Variants in CFAP299 observed in about 807,000 individuals in gnomAD.
CFAP299 encodes the protein cilia- and flagella-associated protein 299.
In CFAP299, 21 loss-of-function variants were observed where a neutral mutation model predicts 27.0. The ratio of observed to expected loss-of-function variants is 0.78; its 90% confidence interval spans 0.55 to 1.12. CFAP299 has a LOEUF of 1.12. CFAP299 is among the 50% of genes most tolerant of loss of function. The probability of loss-of-function intolerance (pLI) is 0.00; values close to 1 mark genes in which losing one functional copy is unlikely to be tolerated. For synonymous variants in CFAP299, 104 were observed against 98.1 expected, an observed-to-expected ratio of 1.06 and a Z score of -0.36; for missense variants, 310 against 276.6, an observed-to-expected ratio of 1.12 and a Z score of -0.86.
chr4:80,681,508 G>C (rs2110005432), intron 3 of CFAP299, among the ~76,000 whole-genome samples: 1 of 152,244 alleles, frequency 6.6e-6, no homozygotes, highest in Middle Eastern at 3.4e-3. Flanking sequence ...AAAATGCTGG[G>C]AACTTGGGCA....
chr4:80,370,567 C>T (rs1379498448), intron 2 of CFAP299, among the ~76,000 whole-genome samples: 1 of 152,218 alleles, frequency 6.6e-6, no homozygotes, highest in Admixed American at 6.5e-5. Flanking sequence ...GGTAAGTACC[C>T]TTGTTCCAAA....
intron 2 of CFAP299, among the ~76,000 whole-genome samples, chr4:80,456,578 T>C (rs1326366309): frequency 6.6e-6 from 1 of 152,174 alleles, no homozygotes; most frequent in African/African-American, 2.4e-5. Context: ...AGGATGACTT[T>C]GGTTTTACCT....
chr4:80,832,965 T>G (rs1004878138), intron 3 of CFAP299, among the ~76,000 whole-genome samples: 10 of 152,144 alleles, frequency 6.6e-5, no homozygotes, highest in African/African-American at 2.4e-4. Flanking sequence ...TATTTTTGAC[T>G]TGTTTTGCTT....
At chr4:80,500,497 A>T (rs1731686960) in intron 2 of CFAP299, among the ~76,000 whole-genome samples, 1 of 152,172 alleles carries the variant, frequency 6.6e-6, no homozygotes, top group Admixed American at 6.6e-5. Context: ...AAATTAGGCT[A>T]TACCAAACTA....
intron 3 of CFAP299, among the ~76,000 whole-genome samples, chr4:80,624,448 GA>G (rs898832430): frequency 4.0e-4 from 60 of 150,920 alleles, no homozygotes; most frequent in African/African-American, 1.3e-3. Context: ...ATACAGAGGA[GA>G]AAAAAAGAAA....
intron 5 of CFAP299, 91 bp downstream of exon 5, chr4:80,945,030 CTT>C (rs1410358691): frequency 8.1e-7 from 1 of 1,229,068 alleles, no homozygotes; most frequent in Non-Finnish European, 1.2e-6. Context: ...ATTTGACACT[CTT>C]AAGTTGTTAA....
At chr4:80,664,590 C>G (rs1277663532) in intron 3 of CFAP299, among the ~76,000 whole-genome samples, 1 of 152,164 alleles carries the variant, frequency 6.6e-6, no homozygotes, top group African/African-American at 2.4e-5. Context: ...CCACCAAGCT[C>G]AAGCATCCCA....
At chr4:80,941,188 A>G (rs995523649) in intron 4 of CFAP299, among the ~76,000 whole-genome samples, 1 of 152,222 alleles carries the variant, frequency 6.6e-6, no homozygotes, top group African/African-American at 2.4e-5. Context: ...AATGACAAAG[A>G]AAAGTCTGTA....
chr4:80,781,324 A>G (rs1202406663), intron 3 of CFAP299, among the ~76,000 whole-genome samples: 4 of 152,108 alleles, frequency 2.6e-5, no homozygotes, highest in Non-Finnish European at 5.9e-5. Context: ...TTTTAAAGTG[A>G]CACTTCAAAA....
At chr4:80,777,407 A>G (rs191253408) in intron 3 of CFAP299, among the ~76,000 whole-genome samples, 11 of 152,130 alleles carry the variant, frequency 7.2e-5, no homozygotes, top group South Asian at 4.1e-4. Flanking sequence ...AAGTAGTCCT[A>G]TGCTTGCTTT....
intron 2 of CFAP299, among the ~76,000 whole-genome samples, chr4:80,433,016 A>G (rs1727902407): frequency 6.6e-6 from 1 of 152,184 alleles, no homozygotes; most frequent in African/African-American, 2.4e-5. Context: ...GTTCATTCTC[A>G]GAGAACAAAG....
At chr4:80,698,525 A>G (rs1287377362) in intron 3 of CFAP299, among the ~76,000 whole-genome samples, 1 of 152,210 alleles carries the variant, frequency 6.6e-6, no homozygotes, top group Non-Finnish European at 1.5e-5. Context: ...CTATTTACTA[A>G]GGACTGTTTT....
intron 2 of CFAP299, among the ~76,000 whole-genome samples, chr4:80,505,343 G>A (rs1234268012): frequency 6.6e-6 from 1 of 152,012 alleles, no homozygotes; most frequent in African/African-American, 2.4e-5. Context: ...ACATTTTAAA[G>A]TACTGTTCTT....
chr4:80,520,312 C>A (rs2110173840), intron 2 of CFAP299, among the ~76,000 whole-genome samples: 1 of 152,278 alleles, frequency 6.6e-6, no homozygotes, highest in African/African-American at 2.4e-5. Flanking sequence ...ACTGTACCAG[C>A]TAGGTGGGGT....
At chr4:80,537,410 T>TA (rs1164313880) in intron 2 of CFAP299, among the ~76,000 whole-genome samples, 2 of 152,134 alleles carry the variant, frequency 1.3e-5, no homozygotes, top group Non-Finnish European at 2.9e-5. Context: ...GCATCATTCA[T>TA]AATAGCCAAG....
chr4:80,762,526 T>G (rs559545199), intron 3 of CFAP299, among the ~76,000 whole-genome samples: 1 of 152,246 alleles, frequency 6.6e-6, no homozygotes, highest in South Asian at 2.1e-4. Flanking sequence ...GTTAGTAATT[T>G]TAATTTCAGT....
chr4:80,522,330 G>T (rs1180254013), intron 2 of CFAP299, among the ~76,000 whole-genome samples: 1 of 151,752 alleles, frequency 6.6e-6, no homozygotes, highest in African/African-American at 2.4e-5. Context: ...TTACCCCTTT[G>T]CGCATTTTTA....
intron 3 of CFAP299, among the ~76,000 whole-genome samples, chr4:80,662,413 A>G (rs1740899501): frequency 3.3e-4 from 1 of 2,994 alleles, no homozygotes; most frequent in African/African-American, 4.6e-4. Context: ...TTTCCCCCGA[A>G]AAAAAAAAAA....
At chr4:80,918,366 C>T (rs943637337) in intron 4 of CFAP299, among the ~76,000 whole-genome samples, 1 of 152,108 alleles carries the variant, frequency 6.6e-6, no homozygotes, top group South Asian at 2.1e-4. Context: ...AGTTAAAAAT[C>T]TGATTTGTGA....
Sources: allele counts gnomAD v4.1 joint callset (sites outside exome capture counted in the v4.1 genomes callset), GRCh38; gene constraint gnomAD v4.1.1; transcripts MANE v1.5; gene names NCBI Gene and HGNC (gene_info 2026-07-23, HGNC 2026-07-21).